ACBD6: variants seen among roughly 807,000 people sequenced by gnomAD.
ACBD6 encodes the protein acyl-CoA-binding domain-containing protein 6.
Under a neutral mutation model 37.2 loss-of-function variants are expected in ACBD6, and 28 were observed. The observed-to-expected ratio is 0.75, with a 90% CI of 0.56 to 1.03. ACBD6 has a LOEUF of 1.03. Ranked by LOEUF, ACBD6 falls within the 50% of genes least tolerant of loss-of-function variation. The probability of loss-of-function intolerance (pLI) is 0.00; values close to 1 mark genes in which losing one functional copy is unlikely to be tolerated. For missense variants in ACBD6, 340 were observed against 337.4 expected, an observed-to-expected ratio of 1.01 and a Z score of -0.06; for synonymous variants, 113 against 126.8, an observed-to-expected ratio of 0.89 and a Z score of 0.73.
intron 6 of ACBD6, among the ~76,000 whole-genome samples, chr1:180,321,453 C>T (rs1197569061): frequency 6.6e-6 from 1 of 151,988 alleles, no homozygotes; most frequent in Admixed American, 6.6e-5. Context: ...TTGTGTGTTC[C>T]CTTCAATTTC....
At chr1:180,274,385 C>T in intron 10 of ACBD6, 1 of 1,614,212 alleles carries the variant, frequency 6.2e-7, no homozygotes, top group Non-Finnish European at 8.5e-7. Flanking sequence ...CGCTCCTTTG[C>T]TCAATGGGCT....
chr1:180,418,832 G>A (rs1169088496), intron 4 of ACBD6, among the ~76,000 whole-genome samples: 3 of 152,198 alleles, frequency 2.0e-5, no homozygotes, highest in Admixed American at 1.3e-4. Flanking sequence ...CCTCCTTTCT[G>A]AAAAACCTTG....
intron 6 of ACBD6, among the ~76,000 whole-genome samples, chr1:180,367,457 G>C (rs960780353): frequency 6.6e-6 from 1 of 152,118 alleles, no homozygotes; most frequent in Non-Finnish European, 1.5e-5. Context: ...TGTCATAGGG[G>C]TTTGTTGTAC....
At chr1:180,368,100 G>C (rs1042844748) in intron 6 of ACBD6, among the ~76,000 whole-genome samples, 1 of 152,050 alleles carries the variant, frequency 6.6e-6, no homozygotes, top group Admixed American at 6.5e-5. Context: ...TGTGTGAGAC[G>C]GTATCTTGTG....
chr1:180,292,525 A>G (rs1649751004), intron 7 of ACBD6, among the ~76,000 whole-genome samples: 1 of 152,044 alleles, frequency 6.6e-6, no homozygotes, highest in Admixed American at 6.6e-5. Flanking sequence ...TTTAATTTTC[A>G]ATTGTTCATT....
intron 6 of ACBD6, among the ~76,000 whole-genome samples, chr1:180,371,921 A>G (rs773718038): frequency 1.4e-4 from 21 of 152,182 alleles, no homozygotes; most frequent in Non-Finnish European, 2.9e-4. Context: ...AATATTTACT[A>G]CGAAGCTCTT....
intron 3 of ACBD6, among the ~76,000 whole-genome samples, chr1:180,452,071 C>T (rs1044557567): frequency 1.1e-4 from 17 of 152,120 alleles, no homozygotes; most frequent in South Asian, 2.1e-4. Flanking sequence ...AAAGACACAA[C>T]GTACCAAAAT....
At chr1:180,425,477 C>A (rs1648545924) in intron 4 of ACBD6, among the ~76,000 whole-genome samples, 1 of 152,156 alleles carries the variant, frequency 6.6e-6, no homozygotes, top group African/African-American at 2.4e-5. Context: ...TACACTACCA[C>A]CAGCCAAACA....
chr1:180,405,747 A>G, intron 5 of ACBD6, among the ~76,000 whole-genome samples: 1 of 152,198 alleles, frequency 6.6e-6, no homozygotes, highest in East Asian at 1.9e-4. Context: ...CTGATGTTTG[A>G]TAGCAAATAC....
rs1650409070 is a variant in ACBD6 at position 180,307,046 on chromosome 1, T to C, written c.694+7646A>G. On this transcript the variant is annotated intron_variant, in intron 7 of 7. Coordinates refer to ENST00000367595, the MANE Select transcript of ACBD6 (RefSeq NM_032360.4). ...AGGAAATCAGCATATCAAAGAGATA[T>C]CTGCACTGCCATGTTTGTTGCAGCA... 1.3e-5 allele frequency among the ~76,000 whole-genome samples: 2 copies of C among 152,218 alleles called. 1 individual carries two copies. Among genetic ancestry groups the C allele is most frequent in the South Asian group, 4.1e-4 (2 of 4,838 alleles).
rs775120949 is a variant in ACBD6, at chr1:180,502,027, C to G, written c.222+18G>C. On this transcript the variant is annotated intron_variant, in intron 1 of 7. Coordinates refer to ENST00000367595, the MANE Select transcript of ACBD6 (RefSeq NM_032360.4). ...TCCGTGTCTTTCTCCCCCATCCACCCTCTCCCTGCTACTTTACCTGTTTGT... is the reference window on the plus strand; with the variant it reads ...TCCGTGTCTTTCTCCCCCATCCACCGTCTCCCTGCTACTTTACCTGTTTGT... The G allele has an allele frequency of 5.6e-6, 9 of 1,612,048 alleles. No homozygotes were observed. The South Asian group carries it at 8.8e-5, about 16-fold the overall frequency.
chr1:180,288,361 G>C lies in ACBD6; in HGVS notation c.*2C>G. Reference sequence around the variant, plus strand: ...ACAGACTGCAGTTTTCCAGTCTTTTGATTAAGCCTTGCCAGTTGTGTGCCG... The same window carrying C: ...ACAGACTGCAGTTTTCCAGTCTTTTCATTAAGCCTTGCCAGTTGTGTGCCG... On this transcript the variant is annotated 3_prime_UTR_variant, in exon 8 of 8. Coordinates refer to ENST00000367595, the MANE Select transcript of ACBD6 (RefSeq NM_032360.4). The C allele has an allele frequency of 1.9e-6, 3 of 1,613,616 alleles. No homozygotes were observed. In the Middle Eastern group the frequency reaches 5.2e-4, roughly 281 times the overall value.
intron 7 of ACBD6, among the ~76,000 whole-genome samples, chr1:180,292,040 T>C (rs995561657): frequency 6.6e-6 from 1 of 152,230 alleles, no homozygotes; most frequent in African/African-American, 2.4e-5. Context: ...TTGATCTATA[T>C]ACCTATTCTT....
chr1:180,335,876 A>C (rs1571375945), intron 6 of ACBD6, among the ~76,000 whole-genome samples: 1 of 146,732 alleles, frequency 6.8e-6, no homozygotes, highest in East Asian at 1.9e-4. Flanking sequence ...TCTCTGATAA[A>C]ACAGACTTTA....
At chr1:180,341,683 T>C (rs1651990744) in intron 6 of ACBD6, among the ~76,000 whole-genome samples, 2 of 152,182 alleles carry the variant, frequency 1.3e-5, no homozygotes, top group East Asian at 1.9e-4. Flanking sequence ...AGATGTTCAC[T>C]TCCACTATTC....
At chr1:180,501,916 A>T in intron 1 of ACBD6, 129 bp downstream of exon 1, 1 of 871,252 alleles carries the variant, frequency 1.1e-6, no homozygotes, top group South Asian at 1.7e-5. Context: ...AAAAAAAAAA[A>T]AACAAAACAA....
intron 7 of ACBD6, among the ~76,000 whole-genome samples, chr1:180,299,206 T>C (rs865879195): frequency 6.6e-6 from 1 of 152,224 alleles, no homozygotes. Context: ...AGTCATAATG[T>C]AGAGTCATCT....
At chr1:180,317,417 G>A (rs1190929878) in intron 6 of ACBD6, among the ~76,000 whole-genome samples, 1 of 152,170 alleles carries the variant, frequency 6.6e-6, no homozygotes. Context: ...AAGTTCTGGA[G>A]ATGAACAGTG....
intron 5 of ACBD6, among the ~76,000 whole-genome samples, chr1:180,404,131 A>G (rs529529585): frequency 6.6e-6 from 1 of 152,164 alleles, no homozygotes; most frequent in East Asian, 1.9e-4. Flanking sequence ...TTGTATTTTC[A>G]GTAGAAACGG....
Sources: allele counts gnomAD v4.1 joint callset (sites outside exome capture counted in the v4.1 genomes callset), GRCh38; gene constraint gnomAD v4.1.1; transcripts MANE v1.5; gene names NCBI Gene and HGNC (gene_info 2026-07-23, HGNC 2026-07-21).